ETNPPL: variants seen among roughly 807,000 people sequenced by gnomAD.
ETNPPL encodes ethanolamine-phosphate phospho-lyase.
Under a neutral mutation model 55.5 loss-of-function variants are expected in ETNPPL, and 30 were observed. The ratio of observed to expected loss-of-function variants is 0.54; its 90% CI spans 0.40 to 0.73. The LOEUF (loss-of-function observed/expected upper bound fraction) is 0.73, where lower values mean the gene tolerates loss of function less well. Among genes scored for constraint, ETNPPL ranks in the 30% least tolerant of loss-of-function variants. The pLI, the probability that ETNPPL is intolerant of heterozygous loss-of-function variation, is 0.00. For synonymous variants in ETNPPL, 202 were observed against 207.2 expected, an observed-to-expected ratio of 0.98 and a Z score of 0.21; for missense variants, 528 against 607.9, an observed-to-expected ratio of 0.87 and a Z score of 1.38.
At chr4:108,753,749 T>TA (rs1553934219) in intron 5 of ETNPPL, among the ~76,000 whole-genome samples, 2 of 76,712 alleles carry the variant, frequency 2.6e-5, no homozygotes, top group Admixed American at 1.8e-4. Context: ...CTCAAATAAA[T>TA]AAGAAAGAAA....
chr4:108,749,545 CAAAA>C (rs5860943), intron 7 of ETNPPL, 82 bp from the exon 8 acceptor site: 19 of 819,728 alleles, frequency 2.3e-5, no homozygotes, highest in Non-Finnish European at 3.5e-5. Context: ...TTATTGAAGA[CAAAA>C]AAAAAAAGTT....
At chr4:108,747,971 G>T in intron 9 of ETNPPL, 34 bp downstream of exon 9, 2 of 1,554,230 alleles carry the variant, frequency 1.3e-6, no homozygotes, top group South Asian at 1.2e-5. Flanking sequence ...TGAAAAAAAT[G>T]AGTAACTACA....
At chr4:108,757,025 AG>A (rs1291420107) in intron 3 of ETNPPL, among the ~76,000 whole-genome samples, 1 of 152,176 alleles carries the variant, frequency 6.6e-6, no homozygotes, top group African/African-American at 2.4e-5. Context: ...ATAAAAATTA[AG>A]GATATGCTGC....
chr4:108,759,388 A>G (rs1729394447), intron 3 of ETNPPL, among the ~76,000 whole-genome samples: 1 of 141,648 alleles, frequency 7.1e-6, no homozygotes, highest in Admixed American at 7.2e-5. Flanking sequence ...GCGACAGAGC[A>G]AGGCTCCATC....
intron 1 of ETNPPL, 179 bp downstream of exon 1, chr4:108,762,664 G>C: frequency 1.3e-6 from 1 of 761,612 alleles, no homozygotes; most frequent in South Asian, 1.5e-5. Flanking sequence ...TTCCAGGAGC[G>C]TTTCTGGGAG....
chr4:108,762,330 A>G (rs1481245640), intron 1 of ETNPPL: 2 of 458,350 alleles, frequency 4.4e-6, no homozygotes, highest in African/African-American at 2.0e-5. Flanking sequence ...AAGTTTTTCT[A>G]TTGGCTAGAT....
chr4:108,760,213 C>G lies in ETNPPL; in HGVS notation c.150G>C (p.Leu50Phe), dbSNP rs1470515467. Reference sequence around the variant, plus strand: ...CATGGGCAACATTGTTGATGCAGTCCAAGTACTGTTCACCGTTCTCATCAA... The same window carrying G: ...CATGGGCAACATTGTTGATGCAGTCGAAGTACTGTTCACCGTTCTCATCAA... ...YMFDENGEQY[L>F]DCINNVAHVG... The change falls in exon 2 of 13, where the codon TTG (leucine) becomes TTC (phenylalanine). Residue 50 changes from leucine (L) to phenylalanine (F), a missense_variant. Transcript: ENST00000296486. 4 of 1,608,406 alleles carry G rather than the reference C, an allele frequency of 2.5e-6. No individual in the cohort carries two copies. The highest frequency in any genetic ancestry group is 8.5e-7 in the Non-Finnish European group (1 of 1,175,048).
At chr4:108,747,933 T>C in intron 9 of ETNPPL, 72 bp downstream of exon 9, 3 of 1,324,066 alleles carry the variant, frequency 2.3e-6, no homozygotes, top group Non-Finnish European at 3.2e-6. Flanking sequence ...TCTCACCATG[T>C]TGCCCAGCCT....
intron 3 of ETNPPL, among the ~76,000 whole-genome samples, chr4:108,758,059 C>G (rs1209007663): frequency 1.4e-5 from 2 of 139,318 alleles, no homozygotes; most frequent in Admixed American, 1.5e-4. Context: ...GGCTGGAGTG[C>G]AATGGTGTGA....
chr4:108,745,801 G>A (rs1728455597), intron 11 of ETNPPL, among the ~76,000 whole-genome samples: 1 of 149,904 alleles, frequency 6.7e-6, no homozygotes, highest in African/African-American at 2.5e-5. Context: ...CATGGTGGCG[G>A]GTGCCTGTAA....
At chr4:108,762,393 A>G (rs1330239661) in intron 1 of ETNPPL, 2 of 495,366 alleles carry the variant, frequency 4.0e-6, no homozygotes, top group East Asian at 5.9e-5. Flanking sequence ...CACTTTAAGT[A>G]AAAATTGTCA....
At chr4:108,747,335 A>G (rs1432830518) in intron 9 of ETNPPL, among the ~76,000 whole-genome samples, 1 of 146,246 alleles carries the variant, frequency 6.8e-6, no homozygotes, top group Non-Finnish European at 1.5e-5. Flanking sequence ...ATAATTTTCA[A>G]TAAATTATTT....
At chr4:108,747,949 C>G in intron 9 of ETNPPL, 56 bp downstream of exon 9, 6 of 1,452,146 alleles carry the variant, frequency 4.1e-6, no homozygotes, top group Non-Finnish European at 5.7e-6. Context: ...AGCCTATAAA[C>G]TATTATTATT....
chr4:108,744,677 T>C (rs1291243949), intron 11 of ETNPPL, among the ~76,000 whole-genome samples: 1 of 151,784 alleles, frequency 6.6e-6, no homozygotes, highest in African/African-American at 2.4e-5. Context: ...GGCTTTATCC[T>C]AACCCCAGAA....
intron 3 of ETNPPL, among the ~76,000 whole-genome samples, chr4:108,758,592 A>G (rs914025582): frequency 1.3e-5 from 2 of 152,084 alleles, no homozygotes; most frequent in African/African-American, 4.8e-5. Context: ...ACTAAAAATC[A>G]AACAAAACAA....
At chr4:108,748,281 TTATAA>T (rs1278471788) in intron 8 of ETNPPL, 122 bp from the exon 9 acceptor site, 5 of 618,674 alleles carry the variant, frequency 8.1e-6, no homozygotes, top group African/African-American at 7.6e-5. Flanking sequence ...AAATGTTCTC[TTATAA>T]TATTAGTTTC....
In ETNPPL at chr4:108,751,978, G is replaced by C. The variant is rs116028246; in HGVS notation, c.618+917C>G. 7.7e-3 allele frequency among the ~76,000 whole-genome samples: 1,179 copies of C among 152,268 alleles called. 18 individuals are homozygous for C. Among genetic ancestry groups the C allele is most frequent in the African/African-American group, 0.027 (1,136 of 41,552 alleles). Reference sequence around the variant, plus strand: ...ATGTAAATTTTTTCCTAAAAGTGTTGTTTGCCATTTGTTTAAACAGGTACA... The same window carrying C: ...ATGTAAATTTTTTCCTAAAAGTGTTCTTTGCCATTTGTTTAAACAGGTACA... On this transcript the variant is annotated intron_variant, in intron 6 of 12. Transcript: ENST00000296486.
chr4:108,760,022 T>C (rs1410838024), intron 2 of ETNPPL, 114 bp from the exon 3 acceptor site: 2 of 1,197,298 alleles, frequency 1.7e-6, no homozygotes, highest in African/African-American at 3.0e-5. Context: ...AAAAGTTGAG[T>C]TCCTTTCTCT....
At chr4:108,756,573 A>C in intron 3 of ETNPPL, 81 bp from the exon 4 acceptor site, 121 of 1,062,756 alleles carry the variant, frequency 1.1e-4, no homozygotes, top group Middle Eastern at 2.2e-4. Context: ...ACGGTAGCTC[A>C]CGCCTGTAAT....
Sources: gnomAD v4.1 joint callset for allele counts (sites outside exome capture counted in the v4.1 genomes callset) on GRCh38, gnomAD v4.1.1 for gene constraint, MANE v1.5 for transcripts, NCBI Gene and HGNC (gene_info 2026-07-23, HGNC 2026-07-21) for gene names.